SMC1A: variants seen among roughly 807,000 people sequenced by gnomAD.
SMC1A encodes structural maintenance of chromosomes protein 1A.
A neutral mutation model predicts 94.5 loss-of-function variants in SMC1A; 4 were observed. The observed-to-expected ratio is 0.04, with a 90% CI of 0.02 to 0.10. The LOEUF is 0.10. Ranked by LOEUF, SMC1A falls within the 10% of genes least tolerant of loss-of-function variation. The pLI is 1.00. For missense variants in SMC1A, 304 were observed against 989.0 expected (o/e 0.31, Z 9.29); for synonymous variants, 345 against 347.7 (o/e 0.99, Z 0.09).
intron 1 of SMC1A, among the ~76,000 whole-genome samples, chrX:53,420,404 G>C (rs58717084): frequency 0.18 from 19,034 of 108,086 alleles, 4,100 homozygotes; most frequent in African/African-American, 0.6. Context: ...CACGCCTGTA[G>C]TCCCAGCTAC....
intron 1 of SMC1A, among the ~76,000 whole-genome samples, chrX:53,419,432 T>C (rs2075745558): frequency 9.3e-6 from 1 of 107,914 alleles, no homozygotes; most frequent in South Asian, 4.1e-4. Flanking sequence ...AAGGCTGAGA[T>C]GGGAGGGTTG....
chrX:53,408,488 A>T lies in SMC1A; in HGVS notation c.1545+574T>A, dbSNP rs181637245. Among the ~76,000 whole-genome samples the T allele has an allele frequency of 4.9e-3, 544 of 112,017 alleles. 2 individuals are homozygous for T. The highest frequency in any genetic ancestry group is 8.5e-3 in the Non-Finnish European group (451 of 53,195). On this transcript the variant is annotated intron_variant, in intron 9 of 24. Coordinates refer to ENST00000322213, the MANE Select transcript of SMC1A (RefSeq NM_006306.4). ...CAGTGTCTAGAGAAGTGATAGGGAA[A>T]TATTAGTGGAACCAAACTAAGTTGA...
intron 15 of SMC1A, among the ~76,000 whole-genome samples, chrX:53,400,376 T>C (rs1316809369): frequency 8.9e-6 from 1 of 111,888 alleles, no homozygotes; most frequent in African/African-American, 3.2e-5. Flanking sequence ...TTGGTTATAC[T>C]CTCCAGACCT....
chrX:53,416,707 T>C (rs1284745121), intron 1 of SMC1A, among the ~76,000 whole-genome samples: 1 of 107,464 alleles, frequency 9.3e-6, no homozygotes, highest in East Asian at 3.1e-4. Context: ...TGTTTTTTAA[T>C]GGGCATAGAT....
intron 18 of SMC1A, among the ~76,000 whole-genome samples, 176 bp downstream of exon 18, chrX:53,396,051 G>A (rs1434040408): frequency 9.0e-6 from 1 of 110,518 alleles, no homozygotes; most frequent in Non-Finnish European, 1.9e-5. Flanking sequence ...ATTACCTTTC[G>A]CCTCACCTGC....
At chrX:53,391,018 AAG>A (rs1556887200) in intron 19 of SMC1A, among the ~76,000 whole-genome samples, 9 of 101,274 alleles carry the variant, frequency 8.9e-5, no homozygotes, top group Admixed American at 3.2e-4. Context: ...AAAAAAAAAA[AAG>A]AAGAAAAATG....
In SMC1A at chrX:53,374,162, T is replaced by G. The variant is rs1556884952; in HGVS notation, c.*5941A>C. 8.9e-6 allele frequency: 1 copy of G among 111,887 alleles called. No homozygotes were observed. The highest frequency in any genetic ancestry group is 1.9e-5 in the Non-Finnish European group (1 of 53,178). The allele number at this position is 111,887 out of a possible 1,213,427, so 9.2% of individuals were successfully genotyped here. A position where few individuals can be genotyped will look rare whatever the true frequency, so the allele number is the denominator to read the frequency against. ...GACACACACAGGTTAGTGATGGGGA[T>G]TTATTAAAGCATTCACAGGGAAATA... On this transcript the variant is annotated 3_prime_UTR_variant, in exon 25 of 25. Coordinates refer to ENST00000322213, the MANE Select transcript of SMC1A (RefSeq NM_006306.4).
chrX:53,409,604 G>T, intron 7 of SMC1A, 101 bp from the exon 8 acceptor site: 1 of 642,812 alleles, frequency 1.6e-6, no homozygotes, highest in South Asian at 2.2e-5. Flanking sequence ...TCCAAGAGCC[G>T]AACAGTCCAG....
At chrX:53,399,098 C>T (rs782099579) in intron 16 of SMC1A, among the ~76,000 whole-genome samples, 15 of 110,879 alleles carry the variant, frequency 1.4e-4, no homozygotes, top group African/African-American at 3.9e-4. Flanking sequence ...ATTAGCTGGG[C>T]GTGGTGGCAG....
chrX:53,408,472 G>A (rs965737147), intron 9 of SMC1A, among the ~76,000 whole-genome samples: 4 of 111,977 alleles, frequency 3.6e-5, no homozygotes, highest in Non-Finnish European at 7.5e-5. Context: ...GCAGTGTCTA[G>A]AGAAGTGATA....
chrX:53,419,040 CAAAAAAAAAA>C (rs34765834), intron 1 of SMC1A, among the ~76,000 whole-genome samples: 1 of 36,752 alleles, frequency 2.7e-5, no homozygotes. Context: ...GACTCTGTCT[CAAAAAAAAAA>C]AAAAAAAAAA....
chrX:53,396,739 G>A lies in SMC1A; in HGVS notation c.2563-122C>T, dbSNP rs781951453. On this transcript the variant is annotated intron_variant, in intron 16 of 24. Coordinates refer to ENST00000322213, the MANE Select transcript of SMC1A (RefSeq NM_006306.4). ...TTGGAGTCACTCGTCAATGAGCTTT[G>A]CTTTCACACCCCCATCACCCCTCAG... The A allele has an allele frequency of 1.5e-5, 12 of 778,333 alleles. No homozygotes were observed. In the South Asian group the frequency reaches 2.7e-4, roughly 17 times the overall value. 64.1% of individuals were successfully genotyped at this position (778,333 alleles called of 1,213,427 possible).
At chrX:53,385,865 C>A (rs1602400237) in intron 19 of SMC1A, among the ~76,000 whole-genome samples, 2 of 111,401 alleles carry the variant, frequency 1.8e-5, no homozygotes, top group African/African-American at 6.5e-5. Flanking sequence ...AATGTGAAAA[C>A]CACTGGGTAA....
chrX:53,391,922 GCCAGTAGTAACCCC>G (rs1401791754), intron 19 of SMC1A, among the ~76,000 whole-genome samples: 1 of 110,563 alleles, frequency 9.0e-6, no homozygotes, highest in Non-Finnish European at 1.9e-5. Flanking sequence ...CCCACTAGAT[GCCAGTAGTAACCCC>G]CCTACCCCAG....
rs782079503 is a variant in SMC1A at position 53,382,222 on chromosome X, T to A, written c.3437+10A>T. 15 of 1,209,543 alleles carry A rather than the reference T, an allele frequency of 1.2e-5. No individual in the cohort carries two copies. Among genetic ancestry groups the A allele is most frequent in the Non-Finnish European group, 1.7e-5 (15 of 894,935 alleles). On this transcript the variant is annotated intron_variant, in intron 22 of 24. Transcript: ENST00000322213. Reference sequence around the variant, plus strand: ...TCTCTTCGTCAACTGCCCTAGGGGATCAGCCTTACCTGTGGATGGCAAAGA... The same window carrying A: ...TCTCTTCGTCAACTGCCCTAGGGGAACAGCCTTACCTGTGGATGGCAAAGA...
chrX:53,418,933 C>T (rs782424841), intron 1 of SMC1A, among the ~76,000 whole-genome samples: 54 of 105,458 alleles, frequency 5.1e-4, no homozygotes, highest in Non-Finnish European at 9.5e-4. Flanking sequence ...CCCAGCTACT[C>T]GGGAGGCTGA....
chrX:53,412,382 T>A, intron 5 of SMC1A, 129 bp from the exon 6 acceptor site: 2 of 649,416 alleles, frequency 3.1e-6, no homozygotes, highest in Non-Finnish European at 4.8e-6. Flanking sequence ...AACATGGGCG[T>A]AATGCCCCAC....
chrX:53,405,709 C>T, intron 10 of SMC1A, 37 bp from the exon 11 acceptor site: 2 of 1,208,942 alleles, frequency 1.7e-6, no homozygotes, highest in South Asian at 1.8e-5. Flanking sequence ...AGAACACAAA[C>T]AGGGAGTACT....
At chrX:53,406,203 A>G (rs1322021128) in intron 9 of SMC1A, among the ~76,000 whole-genome samples, 3 of 111,219 alleles carry the variant, frequency 2.7e-5, no homozygotes, top group Non-Finnish European at 3.8e-5. Context: ...CCTGGGCAAC[A>G]TAATGAGACC....
Sources: gnomAD v4.1 joint callset for allele counts (sites outside exome capture counted in the v4.1 genomes callset) on GRCh38, gnomAD v4.1.1 for gene constraint, MANE v1.5 for transcripts, NCBI Gene and HGNC (gene_info 2026-07-23, HGNC 2026-07-21) for gene names.